ERICH3: variants seen among roughly 807,000 people sequenced by gnomAD.
The protein encoded by ERICH3 is glutamate-rich protein 3.
A neutral mutation model predicts 131.1 loss-of-function variants in ERICH3; 126 were observed. That is an observed-to-expected ratio of 0.96 (90% confidence interval 0.83 to 1.11). The LOEUF (loss-of-function observed/expected upper bound fraction) is 1.11, where lower values mean the gene tolerates loss of function less well. Among genes scored for constraint, ERICH3 ranks in the 50% most tolerant of loss-of-function variants. The probability of loss-of-function intolerance (pLI) is 0.00; values close to 1 mark genes in which losing one functional copy is unlikely to be tolerated. For synonymous variants in ERICH3, 695 were observed against 644.6 expected (o/e 1.08, Z -1.18); for missense variants, 2,050 against 1,810.7 (o/e 1.13, Z -2.40).
intron 1 of ERICH3, among the ~76,000 whole-genome samples, chr1:74,657,710 T>G (rs1646598655): frequency 6.6e-6 from 1 of 152,120 alleles, no homozygotes; most frequent in Non-Finnish European, 1.5e-5. Context: ...AAGACAGTTT[T>G]GCAGTGTTCA....
intron 1 of ERICH3, among the ~76,000 whole-genome samples, chr1:74,662,305 A>C (rs947019523): frequency 2.0e-5 from 3 of 152,154 alleles, no homozygotes; most frequent in African/African-American, 7.2e-5. Flanking sequence ...TCCAGCATGA[A>C]TTGAAGTTCC....
intron 1 of ERICH3, among the ~76,000 whole-genome samples, chr1:74,673,022 C>T (rs1181216837): frequency 1.3e-5 from 2 of 152,062 alleles, no homozygotes; most frequent in Non-Finnish European, 2.9e-5. Flanking sequence ...TGAAATAATA[C>T]CCCCTTTTCC....
rs1646450521 is a variant in ERICH3, at chr1:74,643,095, A to G, written c.247T>C (p.Tyr83His). Residue 83 changes from tyrosine (Y) to histidine (H), a missense_variant, in exon 4 of 15, where the codon TAC becomes CAC. Coordinates refer to ENST00000326665, the MANE Select transcript of ERICH3 (RefSeq NM_001002912.5). Reference protein sequence around the residue: ...IFHKVLDMERYHQLEIKKKLE... With the variant: ...IFHKVLDMERHHQLEIKKKLE... The stretch of plus-strand genomic sequence containing the variant: ...TTCTTTTTTATTTCAAGCTGATGGT[A>G]ACGCTAAGCATACAGGAAAGAATAA... The G allele has an allele frequency of 6.2e-7, 1 of 1,609,404 alleles. No homozygotes were observed. The highest frequency in any genetic ancestry group is 8.5e-7 in the Non-Finnish European group (1 of 1,177,124).
chr1:74,668,228 A>C (rs1646709681), intron 1 of ERICH3, among the ~76,000 whole-genome samples: 1 of 152,156 alleles, frequency 6.6e-6, no homozygotes, highest in Admixed American at 6.5e-5. Context: ...CTTAAAATTG[A>C]TCTTCCTGAA....
At chr1:74,587,408 A>C (rs1184904848) in intron 12 of ERICH3, among the ~76,000 whole-genome samples, 1 of 152,004 alleles carries the variant, frequency 6.6e-6, no homozygotes, top group Non-Finnish European at 1.5e-5. Flanking sequence ...CACCTTAATA[A>C]AAAGATAACA....
chr1:74,605,256 G>A (rs558330978), intron 10 of ERICH3, among the ~76,000 whole-genome samples: 2 of 151,890 alleles, frequency 1.3e-5, no homozygotes, highest in African/African-American at 4.8e-5. Context: ...GCCTTGCTCT[G>A]ACTTAAGCTT....
At chr1:74,650,894 A>C (rs1646528160) in intron 1 of ERICH3, among the ~76,000 whole-genome samples, 1 of 151,630 alleles carries the variant, frequency 6.6e-6, no homozygotes, top group Admixed American at 6.6e-5. Flanking sequence ...ATAGAAAGAG[A>C]GAGAGAGAGA....
In ERICH3 at chr1:74,568,423, A is replaced by G. The variant is rs1646896724; in HGVS notation, c.*2035T>C. 6.6e-6 allele frequency: 1 copy of G among 152,172 alleles called. No individual in the cohort carries two copies. The highest frequency in any genetic ancestry group is 2.4e-5 in the African/African-American group (1 of 41,452). The allele number at this position is 152,172 out of a possible 1,614,324, so 9.4% of individuals were successfully genotyped here. On this transcript the variant is annotated 3_prime_UTR_variant, in exon 15 of 15. Transcript: ENST00000326665. ...CTTTCCTATAAGGTGTGATGTATTC[A>G]AAGTGCTCTGTAGCATTGAGTTTGA... is the stretch of plus-strand genomic sequence containing the variant.
Position 74,620,829 on chromosome 1 carries a change from G to A in ERICH3, c.905C>T (p.Ser302Phe), listed in dbSNP as rs746735467. 6.2e-7 allele frequency: 1 copy of A among 1,613,282 alleles called. No individual in the cohort carries two copies. The highest frequency in any genetic ancestry group is 2.2e-5 in the East Asian group (1 of 44,800). ...TTCATCCCGGAAGTCAGGATTATCA[G>A]AAGATAGGTGCACATTTTTCCCCAA... ...IYLGKNVHLSSDNPDFRDEIK... is the reference protein window; with the variant it reads ...IYLGKNVHLSFDNPDFRDEIK... The change falls in exon 8 of 15, where the codon TCT (serine) becomes TTT (phenylalanine). Residue 302 changes from serine (S) to phenylalanine (F), a missense_variant. Ser to Phe is a radical substitution (Grantham distance 155). Transcript: ENST00000326665.
chr1:74,663,200 C>A (rs941179727), intron 1 of ERICH3, among the ~76,000 whole-genome samples: 2 of 152,092 alleles, frequency 1.3e-5, no homozygotes, highest in Non-Finnish European at 2.9e-5. Flanking sequence ...AACATATTGA[C>A]ATATACTATG....
intron 10 of ERICH3, among the ~76,000 whole-genome samples, chr1:74,603,798 C>T (rs977936886): frequency 2.0e-5 from 3 of 152,010 alleles, no homozygotes; most frequent in East Asian, 1.9e-4. Flanking sequence ...ATAAAAGATG[C>T]TAACAATCAT....
chr1:74,580,244 T>C (rs1647153781), intron 12 of ERICH3, among the ~76,000 whole-genome samples: 1 of 152,118 alleles, frequency 6.6e-6, no homozygotes, highest in African/African-American at 2.4e-5. Context: ...TAGCAATATA[T>C]TGTGACTATT....
intron 4 of ERICH3, 92 bp from the exon 5 acceptor site, chr1:74,641,551 G>A: frequency 2.2e-6 from 3 of 1,373,988 alleles, no homozygotes; most frequent in Non-Finnish European, 3.0e-6. Context: ...TATGACTAAA[G>A]AAATTCTTTC....
intron 1 of ERICH3, among the ~76,000 whole-genome samples, chr1:74,663,230 T>C (rs752615621): frequency 9.2e-5 from 14 of 152,142 alleles, no homozygotes; most frequent in Non-Finnish European, 1.6e-4. Flanking sequence ...CTGTGCTACA[T>C]GTACTACAGC....
chr1:74,579,016 A>G (rs1647128230), intron 12 of ERICH3, among the ~76,000 whole-genome samples: 1 of 152,214 alleles, frequency 6.6e-6, no homozygotes. Context: ...CCAATATAAC[A>G]AAAGTTTTTT....
At chr1:74,580,970 G>A (rs1647167036) in intron 12 of ERICH3, among the ~76,000 whole-genome samples, 1 of 152,058 alleles carries the variant, frequency 6.6e-6, no homozygotes, top group Non-Finnish European at 1.5e-5. Flanking sequence ...CCATCTTTAT[G>A]TCCATACAAA....
At chr1:74,650,834 C>CTGTG (rs5775252) in intron 1 of ERICH3, among the ~76,000 whole-genome samples, 2,306 of 146,092 alleles carry the variant, frequency 0.016, 61 homozygotes, top group African/African-American at 0.054. Flanking sequence ...GAGGGGACTA[C>CTGTG]TGTGTGTGTG....
At chr1:74,636,912 CA>C (rs1452919147) in intron 5 of ERICH3, among the ~76,000 whole-genome samples, 1 of 152,088 alleles carries the variant, frequency 6.6e-6, no homozygotes, top group Non-Finnish European at 1.5e-5. Flanking sequence ...GAAGTAAAAG[CA>C]GACAGTATAA....
chr1:74,627,965 C>T (rs935786711), intron 7 of ERICH3, among the ~76,000 whole-genome samples: 4 of 151,918 alleles, frequency 2.6e-5, no homozygotes, highest in African/African-American at 9.7e-5. Flanking sequence ...ATGCATGGTG[C>T]CATTTACAAT....
Sources: gnomAD v4.1 joint callset for allele counts (sites outside exome capture counted in the v4.1 genomes callset) on GRCh38, gnomAD v4.1.1 for gene constraint, MANE v1.5 for transcripts, NCBI Gene and HGNC (gene_info 2026-07-23, HGNC 2026-07-21) for gene names.